Variants in HAVCR1 observed in about 807,000 individuals in gnomAD.
The protein encoded by HAVCR1 is T cell immunoglobin domain and mucin domain protein 1.
A neutral mutation model predicts 32.0 loss-of-function variants in HAVCR1; 34 were observed. That is an observed-to-expected ratio of 1.06 (90% CI 0.81 to 1.42). The LOEUF is 1.42. Among genes scored for constraint, HAVCR1 ranks in the 40% most tolerant of loss-of-function variants. HAVCR1 has a pLI of 0.00. For missense variants in HAVCR1, 420 were observed against 442.3 expected, an observed-to-expected ratio of 0.95 and a Z score of 0.45; for synonymous variants, 178 against 170.3, an observed-to-expected ratio of 1.05 and a Z score of -0.35.
At chr5:157,033,857 G>C (rs1754327540) in intron 7 of HAVCR1, among the ~76,000 whole-genome samples, 1 of 152,184 alleles carries the variant, frequency 6.6e-6, no homozygotes, top group Non-Finnish European at 1.5e-5. Flanking sequence ...TTCAAGACCA[G>C]CCTGACCAAC....
intron 5 of HAVCR1, 67 bp downstream of exon 5, chr5:157,048,971 C>T: frequency 2.2e-6 from 2 of 925,534 alleles, no homozygotes; most frequent in South Asian, 2.6e-5. Flanking sequence ...AGCGTGTGCT[C>T]TCAACAAAGT....
chr5:157,044,619 A>AAG (rs1554090541), intron 5 of HAVCR1, among the ~76,000 whole-genome samples: 886 of 33,038 alleles, frequency 0.027, 2 homozygotes, highest in Middle Eastern at 0.075. Flanking sequence ...AAGAAAGAGA[A>AAG]AGAAAGAAAG....
intron 6 of HAVCR1, 77 bp from the exon 7 acceptor site, chr5:157,037,438 CCCAG>C (rs1344949999): frequency 2.8e-6 from 2 of 726,150 alleles, no homozygotes; most frequent in Non-Finnish European, 4.9e-6. Context: ...GAATCACTTA[CCCAG>C]CCACATTTAC....
upstream of HAVCR1, among the ~76,000 whole-genome samples, chr5:157,061,131 C>T (rs1756481396): frequency 6.6e-6 from 1 of 152,046 alleles, no homozygotes; most frequent in African/African-American, 2.4e-5. Flanking sequence ...CTCCTGGCCT[C>T]AAGTGATACG....
chr5:157,060,417 C>T (rs1026068608), upstream of HAVCR1, among the ~76,000 whole-genome samples: 4 of 152,022 alleles, frequency 2.6e-5, no homozygotes, highest in Admixed American at 1.3e-4. Flanking sequence ...CATCTAGCTC[C>T]CCAGCCCCAC....
At chr5:157,034,525 A>C (rs191516618) in intron 7 of HAVCR1, among the ~76,000 whole-genome samples, 101 of 151,072 alleles carry the variant, frequency 6.7e-4, no homozygotes, top group Non-Finnish European at 1.1e-3. Flanking sequence ...TCTCAACTGC[A>C]AAGAGGCCTT....
chr5:157,067,669 C>CTCTT, the HAVCR1 span, among the ~76,000 whole-genome samples: 2 of 151,632 alleles, frequency 1.3e-5, no homozygotes, highest in African/African-American at 4.8e-5. Flanking sequence ...CCCTTTCTCT[C>CTCTT]TCTCTCTCTT....
chr5:157,052,440 TGTTGGAATGCTCGTTGTC>T lies in HAVCR1; in HGVS notation c.576_593del (p.Ile196_Ser201del), dbSNP rs756090402. 21 of 1,613,436 alleles carry T rather than the reference TGTTGGAATGCTCGTTGTC, an allele frequency of 1.3e-5. No homozygotes were observed. The highest frequency in any genetic ancestry group is 1.6e-5 in the Non-Finnish European group (19 of 1,179,654). ...TTGTTGTCACTGGAACACTTGTTGT[TGTTGGAATGCTCGTTGTC>T]GTTGGAACGCTCGTTGTCGTTGAAA... On this transcript the variant is annotated inframe_deletion, in exon 4 of 9. Coordinates refer to ENST00000523175, the MANE Select transcript of HAVCR1 (RefSeq NM_001173393.3).
chr5:157,042,531 TG>T, intron 6 of HAVCR1, 95 bp downstream of exon 6: 1 of 646,038 alleles, frequency 1.5e-6, no homozygotes, highest in East Asian at 3.0e-5. Context: ...AAAAATTCTG[TG>T]GGCTAGTCTT....
rs996148685 is a variant in HAVCR1, at chr5:157,047,130, C to T, written c.781+1908G>A. Among the ~76,000 whole-genome samples, 4 of 152,158 alleles carry T rather than the reference C, an allele frequency of 2.6e-5. No individual in the cohort carries two copies. The South Asian group carries it at 8.3e-4, about 32-fold the overall frequency. ...CAATATTGGACTTTCTCCTGCTCTC[C>T]TTTCACCTGACAAGGCAGAACTTTA... On this transcript the variant is annotated intron_variant, in intron 5 of 8. Transcript: ENST00000523175.
intron 6 of HAVCR1, among the ~76,000 whole-genome samples, chr5:157,041,488 A>ACT (rs10631016): frequency 0.82 from 124,825 of 151,472 alleles, 51,848 homozygotes; most frequent in East Asian, 0.99. Flanking sequence ...ACAGAACAAG[A>ACT]CTGTCTCAAA....
intron 6 of HAVCR1, among the ~76,000 whole-genome samples, chr5:157,041,491 G>A (rs113936839): frequency 4.4e-5 from 5 of 113,670 alleles, no homozygotes; most frequent in Non-Finnish European, 7.6e-5. Flanking sequence ...GAACAAGACT[G>A]TCTCAAAAAA....
rs553634777 is a variant in HAVCR1 at position 157,038,461 on chromosome 5, C to T, written c.838-1100G>A. 9.2e-5 allele frequency among the ~76,000 whole-genome samples: 14 copies of T among 152,342 alleles called. No homozygotes were observed. The East Asian group carries it at 2.7e-3, about 29-fold the overall frequency. ...TGGAGTCAGAATCCCAGGTCTTCTA[C>T]TTAGTCACTATGTGACCATGGACAA... is the stretch of plus-strand genomic sequence containing the variant. On this transcript the variant is annotated intron_variant, in intron 6 of 8. Transcript: ENST00000523175.
At chr5:157,058,862 T>A (rs967267334) in intron 1 of HAVCR1, 59 bp downstream of exon 1, 1 of 152,190 alleles carries the variant, frequency 6.6e-6, no homozygotes, top group African/African-American at 2.4e-5. Context: ...AGACTACACC[T>A]CCTTACCAAG....
intron 4 of HAVCR1, 30 bp downstream of exon 4, chr5:157,052,331 C>A: frequency 6.2e-7 from 1 of 1,604,192 alleles, no homozygotes; most frequent in Non-Finnish European, 8.5e-7. Flanking sequence ...CATTAGAAGG[C>A]CTTTGGGCTT....
At chr5:157,034,996 A>G (rs917542072) in intron 7 of HAVCR1, among the ~76,000 whole-genome samples, 3 of 152,086 alleles carry the variant, frequency 2.0e-5, no homozygotes. Context: ...CACAGAGCTG[A>G]GATCACACCA....
chr5:157,056,097 A>G (rs1756120156), intron 2 of HAVCR1, among the ~76,000 whole-genome samples: 1 of 151,592 alleles, frequency 6.6e-6, no homozygotes, highest in Non-Finnish European at 1.5e-5. Context: ...TTACAGGCAC[A>G]TGCCACCACG....
Position 157,044,631 on chromosome 5 carries a change from A to AAG in HAVCR1, c.782-1951_782-1950dup, listed in dbSNP as rs747107222. ...AGAAAGAAAGAGAAAGAAAGAAAGA[A>AAG]AGAAAGAAAGAAAGAAAGAAAGAAA... On this transcript the variant is annotated intron_variant, in intron 5 of 8. Transcript: ENST00000523175. 2.3e-3 allele frequency among the ~76,000 whole-genome samples: 187 copies of AAG among 80,380 alleles called. 2 individuals are homozygous for AAG. The highest frequency in any genetic ancestry group is 5.2e-3 in the African/African-American group (103 of 19,942). 52.7% of individuals were successfully genotyped at this position (80,380 alleles called of 152,430 possible).
chr5:157,046,534 T>C (rs1755406489), intron 5 of HAVCR1, among the ~76,000 whole-genome samples: 1 of 152,210 alleles, frequency 6.6e-6, no homozygotes. Context: ...GGGTCATGCC[T>C]CTTTGATGTT....
Sources: allele counts gnomAD v4.1 joint callset (sites outside exome capture counted in the v4.1 genomes callset), GRCh38; gene constraint gnomAD v4.1.1; transcripts MANE v1.5; gene names NCBI Gene and HGNC (gene_info 2026-07-23, HGNC 2026-07-21).